The following SLC24A3 variants were observed in gnomAD, a reference collection of about 807,000 sequenced individuals.
SLC24A3 encodes sodium/potassium/calcium exchanger 3.
In SLC24A3, 28 loss-of-function variants were observed where a neutral mutation model predicts 75.8. The observed-to-expected ratio is 0.37, with a 90% confidence interval of 0.27 to 0.51. The LOEUF (loss-of-function observed/expected upper bound fraction) is 0.51, where lower values mean the gene tolerates loss of function less well. Ranked by LOEUF, SLC24A3 falls within the 20% of genes least tolerant of loss-of-function variation. The probability of loss-of-function intolerance (pLI) is 0.94; values close to 1 mark genes in which losing one functional copy is unlikely to be tolerated. For missense variants in SLC24A3, 663 were observed against 847.8 expected, an observed-to-expected ratio of 0.78 and a Z score of 2.71; for synonymous variants, 372 against 334.1, an observed-to-expected ratio of 1.11 and a Z score of -1.24.
At chr20:19,236,732 G>A (rs1982179972) in intron 1 of SLC24A3, among the ~76,000 whole-genome samples, 1 of 152,108 alleles carries the variant, frequency 6.6e-6, no homozygotes, top group Non-Finnish European at 1.5e-5. Context: ...CTCCAGCCTG[G>A]GTGACAAAGT....
intron 3 of SLC24A3, among the ~76,000 whole-genome samples, chr20:19,558,562 T>G (rs2030825901): frequency 6.6e-6 from 1 of 152,200 alleles, no homozygotes; most frequent in Non-Finnish European, 1.5e-5. Flanking sequence ...CTCCTCTCCA[T>G]GTCAGATCCT....
intron 2 of SLC24A3, among the ~76,000 whole-genome samples, chr20:19,446,361 A>G (rs1987384673): frequency 6.6e-6 from 1 of 152,222 alleles, no homozygotes; most frequent in African/African-American, 2.4e-5. Flanking sequence ...GGTGTGATAT[A>G]ATTACTGAAT....
chr20:19,331,885 C>T (rs931407198), intron 2 of SLC24A3, among the ~76,000 whole-genome samples: 1 of 152,118 alleles, frequency 6.6e-6, no homozygotes, highest in Non-Finnish European at 1.5e-5. Flanking sequence ...CGATGGGAGG[C>T]GTCCTTTGGA....
At chr20:19,623,790 G>A (rs2031834427) in intron 6 of SLC24A3, among the ~76,000 whole-genome samples, 1 of 152,142 alleles carries the variant, frequency 6.6e-6, no homozygotes, top group South Asian at 2.1e-4. Context: ...GCCTGCCAGG[G>A]TATGAGCGAA....
chr20:19,459,852 G>A (rs1429488506), intron 2 of SLC24A3, among the ~76,000 whole-genome samples: 2 of 152,122 alleles, frequency 1.3e-5, no homozygotes, highest in East Asian at 1.9e-4. Flanking sequence ...AATGGCAGAC[G>A]AGCCTGGGGT....
chr20:19,516,435 G>A (rs1273862907), intron 3 of SLC24A3, among the ~76,000 whole-genome samples: 1 of 152,226 alleles, frequency 6.6e-6, no homozygotes, highest in East Asian at 1.9e-4. Flanking sequence ...CACATTCAGT[G>A]GCATGCCTGG....
chr20:19,292,278 C>T lies in SLC24A3; in HGVS notation c.271+11191C>T, dbSNP rs573199425. On this transcript the variant is annotated intron_variant, in intron 2 of 16. Transcript: ENST00000328041. ...CAACAGTCCTGAGGGGTCCTGCAAA[C>T]GGAGTCTCAGCTTGTCACACTTAAG... 4.6e-5 allele frequency among the ~76,000 whole-genome samples: 7 copies of T among 152,306 alleles called. No homozygotes were observed. In the South Asian group the frequency reaches 6.2e-4, roughly 14 times the overall value.
chr20:19,288,940 A>G (rs186773198), intron 2 of SLC24A3, among the ~76,000 whole-genome samples: 3 of 152,350 alleles, frequency 2.0e-5, no homozygotes, highest in Non-Finnish European at 4.4e-5. Context: ...CACAGACCAC[A>G]GGGCTTGAAA....
intron 6 of SLC24A3, among the ~76,000 whole-genome samples, chr20:19,588,279 GGATTTCA>G (rs1568664795): frequency 6.6e-6 from 1 of 152,182 alleles, no homozygotes; most frequent in Non-Finnish European, 1.5e-5. Flanking sequence ...ATCCAATCAT[GGATTTCA>G]CTTAGCATTT....
At chr20:19,343,608 G>C (rs761257522) in intron 2 of SLC24A3, among the ~76,000 whole-genome samples, 11 of 152,176 alleles carry the variant, frequency 7.2e-5, no homozygotes, top group Non-Finnish European at 1.5e-4. Context: ...ATGGAGTACA[G>C]GGTCTCTGTG....
chr20:19,716,415 C>T (rs896848030), intron 15 of SLC24A3, among the ~76,000 whole-genome samples: 2 of 63,816 alleles, frequency 3.1e-5, no homozygotes, highest in African/African-American at 5.6e-5. Context: ...GAGATTAAAA[C>T]TGTTTCTTTT....
intron 14 of SLC24A3, among the ~76,000 whole-genome samples, chr20:19,698,047 C>T (rs2032831009): frequency 6.6e-6 from 1 of 152,156 alleles, no homozygotes; most frequent in South Asian, 2.1e-4. Flanking sequence ...AGGAAACTTC[C>T]AGTCATGGTG....
chr20:19,567,309 G>T (rs1411983572), intron 3 of SLC24A3, among the ~76,000 whole-genome samples: 1 of 152,196 alleles, frequency 6.6e-6, no homozygotes, highest in Non-Finnish European at 1.5e-5. Flanking sequence ...TTTTTAAAAT[G>T]TGGTACATAT....
intron 9 of SLC24A3, among the ~76,000 whole-genome samples, chr20:19,677,012 G>A (rs369710488): frequency 1.1e-4 from 17 of 152,144 alleles, no homozygotes; most frequent in Non-Finnish European, 1.8e-4. Context: ...CCATGAGAAC[G>A]GAATGTGACA....
At chr20:19,459,389 C>T (rs977711740) in intron 2 of SLC24A3, among the ~76,000 whole-genome samples, 4 of 152,120 alleles carry the variant, frequency 2.6e-5, no homozygotes, top group African/African-American at 4.8e-5. Context: ...GTGGATGGCC[C>T]GTGGTCTCTT....
At chr20:19,665,780 G>T (rs2032391531) in intron 7 of SLC24A3, 84 bp from the exon 8 acceptor site, 14 of 1,453,194 alleles carry the variant, frequency 9.6e-6, no homozygotes, top group Non-Finnish European at 1.3e-5. Flanking sequence ...GATACTGCGT[G>T]CAGCCTTAAA....
At chr20:19,425,363 C>T (rs1013880723) in intron 2 of SLC24A3, among the ~76,000 whole-genome samples, 3 of 152,100 alleles carry the variant, frequency 2.0e-5, no homozygotes, top group Non-Finnish European at 4.4e-5. Context: ...ATGACCAGCC[C>T]CCGGCCTTTT....
chr20:19,608,795 T>C (rs929591483), intron 6 of SLC24A3, among the ~76,000 whole-genome samples: 2 of 152,226 alleles, frequency 1.3e-5, no homozygotes, highest in African/African-American at 4.8e-5. Flanking sequence ...TATTCACTAA[T>C]GATCTGACCG....
intron 3 of SLC24A3, among the ~76,000 whole-genome samples, chr20:19,543,920 G>A (rs1490113092): frequency 1.3e-5 from 2 of 152,094 alleles, no homozygotes; most frequent in African/African-American, 4.8e-5. Context: ...TGCCTCCTTT[G>A]GAACAGAATC....
Sources: gnomAD v4.1 joint callset for allele counts (sites outside exome capture counted in the v4.1 genomes callset) on GRCh38, gnomAD v4.1.1 for gene constraint, MANE v1.5 for transcripts, NCBI Gene and HGNC (gene_info 2026-07-23, HGNC 2026-07-21) for gene names.